Variants in CAMK1D observed in about 807,000 individuals in gnomAD.
CAMK1D encodes the protein calcium/calmodulin dependent protein kinase ID, also known as calcium/calmodulin-dependent protein kinase type 1D.
A neutral mutation model predicts 47.7 loss-of-function variants in CAMK1D; 9 were observed. The observed-to-expected ratio is 0.19, with a 90% CI of 0.11 to 0.33. CAMK1D has a LOEUF of 0.33. CAMK1D is among the 10% of genes least tolerant of loss of function. The pLI, the probability that CAMK1D is intolerant of heterozygous loss-of-function variation, is 1.00. For missense variants in CAMK1D, 291 were observed against 488.7 expected (o/e 0.60, Z 3.81); for synonymous variants, 184 against 184.9 (o/e 0.99, Z 0.04).
intron 6 of CAMK1D, among the ~76,000 whole-genome samples, chr10:12,798,008 G>A (rs1251223804): frequency 6.6e-6 from 1 of 152,194 alleles, no homozygotes; most frequent in African/African-American, 2.4e-5. Flanking sequence ...GCAACTCCCT[G>A]CCGGTGACCT....
At chr10:12,456,888 A>T (rs1833264585) in intron 1 of CAMK1D, among the ~76,000 whole-genome samples, 3 of 151,570 alleles carry the variant, frequency 2.0e-5, no homozygotes, top group Non-Finnish European at 4.4e-5. Flanking sequence ...TTACCCTTTG[A>T]CCCAGCAGTC....
chr10:12,675,882 T>A (rs1341699205), intron 3 of CAMK1D, among the ~76,000 whole-genome samples: 3 of 152,226 alleles, frequency 2.0e-5, no homozygotes. Flanking sequence ...AGGCCAGTAC[T>A]GCCACAGGGC....
At chr10:12,659,515 A>G (rs973449799) in intron 2 of CAMK1D, among the ~76,000 whole-genome samples, 2 of 152,214 alleles carry the variant, frequency 1.3e-5, no homozygotes, top group Admixed American at 1.3e-4. Context: ...TTTTAATACC[A>G]TCTGGCCAAT....
intron 2 of CAMK1D, among the ~76,000 whole-genome samples, chr10:12,611,446 G>T (rs970915354): frequency 6.6e-6 from 1 of 152,016 alleles, no homozygotes; most frequent in Admixed American, 6.6e-5. Flanking sequence ...CCAGCTCCAG[G>T]TCTGCTTCCA....
intron 6 of CAMK1D, among the ~76,000 whole-genome samples, chr10:12,798,834 A>G (rs1838302317): frequency 6.6e-6 from 1 of 152,230 alleles, no homozygotes; most frequent in South Asian, 2.1e-4. Context: ...TCATTCCCCT[A>G]GCAGGACACT....
At chr10:12,779,584 C>A (rs1179749942) in intron 5 of CAMK1D, among the ~76,000 whole-genome samples, 1 of 152,116 alleles carries the variant, frequency 6.6e-6, no homozygotes, top group Non-Finnish European at 1.5e-5. Flanking sequence ...TGCACACCAC[C>A]ACACCTGGCT....
intron 3 of CAMK1D, among the ~76,000 whole-genome samples, chr10:12,695,684 C>T (rs185191539): frequency 2.0e-5 from 3 of 152,166 alleles, no homozygotes; most frequent in East Asian, 1.9e-4. Flanking sequence ...TACTAATGAC[C>T]ATGTTTTGGT....
rs1329017285 is a variant in CAMK1D at position 12,694,095 on chromosome 10, TTATATAA to T, written c.299+27299_299+27305del. 4.4e-4 allele frequency among the ~76,000 whole-genome samples: 24 copies of T among 53,980 alleles called. 3 individuals carry two copies. The highest frequency in any genetic ancestry group is 1.8e-3 in the African/African-American group (24 of 13,236). The allele number at this position is 53,980 out of a possible 152,430, so 35.4% of individuals were successfully genotyped here. A position where few individuals can be genotyped will look rare whatever the true frequency, so the allele number is the denominator to read the frequency against. ...TAAAAAATATTATGTATAATATATA[TTATATAA>T]TATATAATATATATTATGCATAATA... is the stretch of plus-strand genomic sequence containing the variant. On this transcript the variant is annotated intron_variant, in intron 3 of 10. Coordinates refer to ENST00000619168, the MANE Select transcript of CAMK1D (RefSeq NM_153498.4).
chr10:12,466,394 C>T (rs572523729), intron 1 of CAMK1D, among the ~76,000 whole-genome samples: 6 of 152,016 alleles, frequency 3.9e-5, no homozygotes, highest in East Asian at 1.9e-4. Flanking sequence ...GGCGACAGAG[C>T]GAGATTCTGT....
intron 1 of CAMK1D, among the ~76,000 whole-genome samples, chr10:12,435,738 G>C (rs927558862): frequency 2.6e-5 from 4 of 152,190 alleles, no homozygotes; most frequent in African/African-American, 9.6e-5. Flanking sequence ...CCTGTGGCTG[G>C]AGGTATTTTC....
At chr10:12,625,336 C>CAAAA (rs869128579) in intron 2 of CAMK1D, among the ~76,000 whole-genome samples, 3 of 42,352 alleles carry the variant, frequency 7.1e-5, no homozygotes. Context: ...ACTCCATGTA[C>CAAAA]AAAAAAAAAA....
chr10:12,352,861 C>T (rs907069876), intron 1 of CAMK1D, among the ~76,000 whole-genome samples: 28 of 151,402 alleles, frequency 1.8e-4, no homozygotes, highest in African/African-American at 6.5e-4. Flanking sequence ...CTCAGCCTCC[C>T]GAGTAACTGG....
chr10:12,442,820 G>A (rs574672513), intron 1 of CAMK1D, among the ~76,000 whole-genome samples: 6 of 152,216 alleles, frequency 3.9e-5, no homozygotes, highest in East Asian at 1.9e-4. Flanking sequence ...GACTTCATCC[G>A]TTTCATTTGT....
At chr10:12,746,944 G>T (rs921251596) in intron 3 of CAMK1D, among the ~76,000 whole-genome samples, 16 of 152,172 alleles carry the variant, frequency 1.1e-4, no homozygotes, top group Non-Finnish European at 1.5e-5. Flanking sequence ...CTGTTTTATG[G>T]TTCTCCAAAG....
At chr10:12,475,701 A>G (rs535461299) in intron 1 of CAMK1D, among the ~76,000 whole-genome samples, 3 of 152,190 alleles carry the variant, frequency 2.0e-5, no homozygotes, top group Non-Finnish European at 4.4e-5. Flanking sequence ...GTTGATGGAC[A>G]TGGAAGTTGC....
In CAMK1D at chr10:12,437,049, C is replaced by T. The variant is rs188654919; in HGVS notation, c.92+87139C>T. 2.4e-3 allele frequency among the ~76,000 whole-genome samples: 365 copies of T among 152,178 alleles called. 1 individual carries two copies. The highest frequency in any genetic ancestry group is 3.9e-3 in the Non-Finnish European group (268 of 68,006). ...CACAGGGCAAGCTTAGTTCAATCAG[C>T]AAGGAGTGGTGGTGACGTGTGAAAT... On this transcript the variant is annotated intron_variant, in intron 1 of 10. Coordinates refer to ENST00000619168, the MANE Select transcript of CAMK1D (RefSeq NM_153498.4).
intron 6 of CAMK1D, among the ~76,000 whole-genome samples, chr10:12,807,933 T>TCTAC (rs1396750295): frequency 6.6e-6 from 1 of 152,226 alleles, no homozygotes; most frequent in Non-Finnish European, 1.5e-5. Flanking sequence ...GGGGCTTCCT[T>TCTAC]CTACCTGCAA....
chr10:12,731,822 G>A (rs930461788), intron 3 of CAMK1D, among the ~76,000 whole-genome samples: 10 of 152,214 alleles, frequency 6.6e-5, no homozygotes, highest in Admixed American at 6.5e-4. Flanking sequence ...GGAGATCAGA[G>A]AGGAGGCTGC....
chr10:12,778,883 C>T (rs963359014), intron 5 of CAMK1D, among the ~76,000 whole-genome samples: 5 of 151,966 alleles, frequency 3.3e-5, no homozygotes, highest in African/African-American at 9.7e-5. Flanking sequence ...TAAAAAAATA[C>T]GGGAATGAGA....
Sources: gnomAD v4.1 joint callset for allele counts (sites outside exome capture counted in the v4.1 genomes callset) on GRCh38, gnomAD v4.1.1 for gene constraint, MANE v1.5 for transcripts, NCBI Gene and HGNC (gene_info 2026-07-23, HGNC 2026-07-21) for gene names.